Variants in UGGT2 observed in about 807,000 individuals in gnomAD.
The protein encoded by UGGT2 is UDP-glucose:glycoprotein glucosyltransferase 2.
In UGGT2, 180 loss-of-function variants were observed where a neutral mutation model predicts 192.1. The observed-to-expected ratio is 0.94, with a 90% confidence interval of 0.83 to 1.06. The LOEUF is 1.06. Among genes scored for constraint, UGGT2 ranks in the 50% least tolerant of loss-of-function variants. The probability of loss-of-function intolerance (pLI) is 0.00; values close to 1 mark genes in which losing one functional copy is unlikely to be tolerated. For synonymous variants in UGGT2, 580 were observed against 591.0 expected, an observed-to-expected ratio of 0.98 and a Z score of 0.27; for missense variants, 1,849 against 1,795.7, an observed-to-expected ratio of 1.03 and a Z score of -0.54.
Position 95,877,012 on chromosome 13 carries a change from T to C in UGGT2, c.3473+267A>G, listed in dbSNP as rs1013571800. Reference sequence around the variant, plus strand: ...AATTCTTGGGCCTCAGTCTCCTGAATAGCTGAAGTTACAGGTGTGCGCCAC... The same window carrying C: ...AATTCTTGGGCCTCAGTCTCCTGAACAGCTGAAGTTACAGGTGTGCGCCAC... On this transcript the variant is annotated intron_variant, in intron 29 of 38. Transcript: ENST00000376747. 1.2e-4 allele frequency: 29 copies of C among 247,928 alleles called. No individual in the cohort carries two copies. The Admixed American group carries it at 1.3e-3, about 11-fold the overall frequency. 15.4% of individuals were successfully genotyped at this position (247,928 alleles called of 1,614,324 possible).
At chr13:96,048,943 A>G (rs1012974325) in intron 1 of UGGT2, among the ~76,000 whole-genome samples, 1 of 151,072 alleles carries the variant, frequency 6.6e-6, no homozygotes, top group Admixed American at 6.6e-5. Flanking sequence ...AACTATTCCA[A>G]TTGATACAAA....
intron 17 of UGGT2, 138 bp from the exon 18 acceptor site, chr13:95,927,474 T>C (rs563131705): frequency 5.4e-4 from 387 of 719,970 alleles, no homozygotes; most frequent in South Asian, 3.0e-3. Context: ...TTCTTTCTTT[T>C]TTTTTTTTTT....
Position 95,996,119 on chromosome 13 carries a change from A to T in UGGT2, c.774T>A (p.Thr258=). 6.2e-7 allele frequency: 1 copy of T among 1,612,760 alleles called. No individual in the cohort carries two copies. The highest frequency in any genetic ancestry group is 8.5e-7 in the Non-Finnish European group (1 of 1,179,600). Residue 258 remains threonine (T), a synonymous_variant, in exon 7 of 39, where the codon ACT becomes ACA. Coordinates refer to ENST00000376747, the MANE Select transcript of UGGT2 (RefSeq NM_020121.4). ...DTQVKTVTNT[T]VEDETETNEV... ...CATTTGTTTCAGTCTCATCCTCTAC[A>T]GTAGTATTAGTCACAGCTACATTTT...
chr13:95,816,955 C>G (rs1197052653), intron 38 of UGGT2, among the ~76,000 whole-genome samples: 3 of 151,752 alleles, frequency 2.0e-5, no homozygotes, highest in Admixed American at 1.3e-4. Flanking sequence ...GGCGAAACCC[C>G]CTCTCTACTA....
intron 22 of UGGT2, among the ~76,000 whole-genome samples, chr13:95,899,872 C>A (rs2048052152): frequency 6.6e-6 from 1 of 151,982 alleles, no homozygotes; most frequent in Admixed American, 6.6e-5. Flanking sequence ...ATAGATGAAC[C>A]TGAATCTAAT....
In UGGT2 at chr13:95,903,040, C is replaced by A. The variant is rs370617285; in HGVS notation, c.2316G>T (p.Arg772=). ...LKHMKTSVHS[R]LGIIYNPTSK... Reference sequence around the variant, plus strand: ...ATGTAGGATTATAAATAATCCCCAACCGACTATGAACACTTGTTTTCTGCA... The same window carrying A: ...ATGTAGGATTATAAATAATCCCCAAACGACTATGAACACTTGTTTTCTGCA... Residue 772 remains arginine (R), a synonymous_variant, in exon 21 of 39, where the codon CGG becomes CGT. Transcript: ENST00000376747. 2.5e-6 allele frequency: 4 copies of A among 1,611,866 alleles called. No homozygotes were observed. In the East Asian group the frequency reaches 6.7e-5, roughly 27 times the overall value.
chr13:95,841,182 G>A (rs1161152818), intron 36 of UGGT2, among the ~76,000 whole-genome samples: 1 of 152,072 alleles, frequency 6.6e-6, no homozygotes, highest in African/African-American at 2.4e-5. Flanking sequence ...AAACCTGCAC[G>A]TTCACCACGT....
chr13:95,979,709 G>C (rs952070500), intron 10 of UGGT2, among the ~76,000 whole-genome samples: 8 of 151,940 alleles, frequency 5.3e-5, no homozygotes, highest in Non-Finnish European at 1.2e-4. Context: ...AGCAGAGTTA[G>C]CAGACAGCCC....
At chr13:95,952,382 C>T (rs563269748) in intron 12 of UGGT2, among the ~76,000 whole-genome samples, 1 of 152,018 alleles carries the variant, frequency 6.6e-6, no homozygotes, top group Admixed American at 6.6e-5. Context: ...CCCGAGGATA[C>T]CAAAATCTAA....
chr13:96,018,935 A>G (rs1052946539), intron 4 of UGGT2, among the ~76,000 whole-genome samples: 1 of 151,692 alleles, frequency 6.6e-6, no homozygotes, highest in Admixed American at 6.6e-5. Flanking sequence ...AAGGAGAAAC[A>G]TATCTACAGA....
intron 36 of UGGT2, among the ~76,000 whole-genome samples, chr13:95,844,433 G>A (rs1209579992): frequency 6.6e-6 from 1 of 152,138 alleles, no homozygotes; most frequent in Non-Finnish European, 1.5e-5. Context: ...ACAATATCCA[G>A]TCTTCCAACC....
chr13:95,912,448 C>A (rs1186743787), intron 20 of UGGT2, among the ~76,000 whole-genome samples: 1 of 131,614 alleles, frequency 7.6e-6, no homozygotes, highest in Non-Finnish European at 1.6e-5. Context: ...CATTAACAGA[C>A]AAAGAGAGAG....
chr13:95,862,996 G>A lies in UGGT2; in HGVS notation c.3644+633C>T, dbSNP rs115001711. ...TCCCACCTCAGTCTTCTGAGTAACT[G>A]GAACTACAGATACATGCCATCACAA... On this transcript the variant is annotated intron_variant, in intron 31 of 38. Coordinates refer to ENST00000376747, the MANE Select transcript of UGGT2 (RefSeq NM_020121.4). Among the ~76,000 whole-genome samples, 481 of 152,080 alleles carry A rather than the reference G, an allele frequency of 3.2e-3. 3 individuals are homozygous for A. The highest frequency in any genetic ancestry group is 0.011 in the African/African-American group (460 of 41,488).
At chr13:95,894,160 A>G (rs1407325701) in intron 24 of UGGT2, among the ~76,000 whole-genome samples, 2 of 152,126 alleles carry the variant, frequency 1.3e-5, no homozygotes, top group Non-Finnish European at 2.9e-5. Flanking sequence ...TCGCGCATGC[A>G]TGTGTGTTTA....
At chr13:95,909,199 T>C (rs552070428) in intron 20 of UGGT2, among the ~76,000 whole-genome samples, 2 of 152,256 alleles carry the variant, frequency 1.3e-5, no homozygotes, top group African/African-American at 4.8e-5. Context: ...ATTTATTAAA[T>C]AGGGAATCCT....
chr13:96,023,093 C>A lies in UGGT2; in HGVS notation c.432G>T (p.Lys144Asn). 2 of 1,594,692 alleles carry A rather than the reference C, an allele frequency of 1.3e-6. No individual in the cohort carries two copies. Among genetic ancestry groups the A allele is most frequent in the South Asian group, 1.1e-5 (1 of 87,472 alleles). The change falls in exon 4 of 39, where the codon AAG (lysine) becomes AAT (asparagine). Residue 144 changes from lysine (K) to asparagine (N), a missense_variant. Physicochemically the swap from Lys to Asn is moderately conservative, Grantham distance 94. Transcript: ENST00000376747. ...TAATCTCATTAATTTTACAGGTGTG[C>A]TTCTTATGAATAACCACAAATGCAT... ...GCNAFVVIHKKHTCKINEIKK... is the reference protein window; with the variant it reads ...GCNAFVVIHKNHTCKINEIKK...
intron 21 of UGGT2, among the ~76,000 whole-genome samples, chr13:95,902,317 T>A (rs1365415941): frequency 6.6e-6 from 1 of 152,172 alleles, no homozygotes; most frequent in Non-Finnish European, 1.5e-5. Context: ...AATCCTTAGC[T>A]AATGACCTGA....
rs1444085451 is a variant in UGGT2, at chr13:95,863,684, C to T, written c.3589G>A (p.Asp1197Asn). ...TTTTCATCTTCATCGGTAAGGATATCTTCCTTAATTTTGTCTGTTTCTTTT... is the reference window on the plus strand; with the variant it reads ...TTTTCATCTTCATCGGTAAGGATATTTTCCTTAATTTTGTCTGTTTCTTTT... ...VKKETDKIKE[D>N]ILTDEDEKTK... The change falls in exon 31 of 39, where the codon GAT becomes AAT. Residue 1197 changes from aspartate (D) to asparagine (N), a missense_variant. Transcript: ENST00000376747. The T allele has an allele frequency of 1.2e-6, 2 of 1,612,508 alleles. No individual in the cohort carries two copies. Among genetic ancestry groups the T allele is most frequent in the African/African-American group, 2.7e-5 (2 of 74,822 alleles).
intron 12 of UGGT2, among the ~76,000 whole-genome samples, chr13:95,969,691 T>C (rs1239540301): frequency 6.6e-6 from 1 of 152,200 alleles, no homozygotes. Flanking sequence ...TATGATCAAA[T>C]GTTTTTCACA....
Sources: gnomAD v4.1 joint callset for allele counts (sites outside exome capture counted in the v4.1 genomes callset) on GRCh38, gnomAD v4.1.1 for gene constraint, MANE v1.5 for transcripts, NCBI Gene and HGNC (gene_info 2026-07-23, HGNC 2026-07-21) for gene names.